MTMR7: variants seen among roughly 807,000 people sequenced by gnomAD.
MTMR7 encodes the protein myotubularin related protein 7.
In MTMR7, 76 loss-of-function variants were observed where a neutral mutation model predicts 81.2. The ratio of observed to expected loss-of-function variants is 0.94; its 90% CI spans 0.78 to 1.13. The LOEUF is 1.13. Ranked by LOEUF, MTMR7 falls within the 50% of genes most tolerant of loss-of-function variation. The pLI is 0.00. For missense variants in MTMR7, 1,044 were observed against 820.0 expected (o/e 1.27, Z -3.34); for synonymous variants, 372 against 289.8 (o/e 1.28, Z -2.88).
chr8:17,307,441 C>A (rs1018772172), intron 10 of MTMR7, among the ~76,000 whole-genome samples: 6 of 152,094 alleles, frequency 3.9e-5, no homozygotes, highest in African/African-American at 1.2e-4. Context: ...GTTGGTGGGA[C>A]TGTAAACTAG....
intron 4 of MTMR7, 139 bp from the exon 5 acceptor site, chr8:17,349,220 G>T: frequency 1.0e-6 from 1 of 995,926 alleles, no homozygotes; most frequent in Non-Finnish European, 1.5e-6. Context: ...CTATTTCGAG[G>T]AAACTCAAAG....
rs1820044655 is a variant in MTMR7, at chr8:17,361,063, C to T, written c.468+54G>A. On this transcript the variant is annotated intron_variant, in intron 4 of 13. Transcript: ENST00000180173. ...GAGATAAAAATAAAGGGATGCTAAGCTGGCTGAAACCCTAATTTCATGCGG... is the reference window on the plus strand; with the variant it reads ...GAGATAAAAATAAAGGGATGCTAAGTTGGCTGAAACCCTAATTTCATGCGG... The T allele has an allele frequency of 1.9e-6, 3 of 1,590,568 alleles. No individual in the cohort carries two copies. The South Asian group carries it at 3.3e-5, about 18-fold the overall frequency.
intron 1 of MTMR7, among the ~76,000 whole-genome samples, chr8:17,380,571 TTA>T (rs1491302255): frequency 3.7e-5 from 1 of 26,956 alleles, no homozygotes. Flanking sequence ...GCTGATGAGC[TTA>T]AAAAAAAAAA....
chr8:17,339,115 C>T (rs75394166), intron 6 of MTMR7: 4 of 152,288 alleles, frequency 2.6e-5, no homozygotes, highest in East Asian at 1.9e-4. Flanking sequence ...ATGCAGTTCT[C>T]GTGATTTCTG....
chr8:17,389,260 A>C (rs778574046), intron 1 of MTMR7, among the ~76,000 whole-genome samples: 36 of 152,174 alleles, frequency 2.4e-4, no homozygotes, highest in Non-Finnish European at 2.9e-5. Flanking sequence ...GTTTCTACTT[A>C]TCCTACACTA....
At chr8:17,341,587 T>G in intron 5 of MTMR7, 90 bp from the exon 6 acceptor site, 1 of 1,466,474 alleles carries the variant, frequency 6.8e-7, no homozygotes, top group Non-Finnish European at 9.2e-7. Context: ...AAAGAGCCCT[T>G]GGCTCACTGA....
chr8:17,352,199 C>T (rs1196398199), intron 4 of MTMR7, among the ~76,000 whole-genome samples: 1 of 152,070 alleles, frequency 6.6e-6, no homozygotes, highest in Non-Finnish European at 1.5e-5. Context: ...AGTACAAAGC[C>T]ATATCTATTT....
At chr8:17,393,844 G>A (rs898178134) in intron 1 of MTMR7, among the ~76,000 whole-genome samples, 5 of 151,834 alleles carry the variant, frequency 3.3e-5, no homozygotes, top group African/African-American at 1.2e-4. Flanking sequence ...CATGTAACCT[G>A]GGACTTAACA....
At chr8:17,385,684 T>A (rs1203028420) in intron 1 of MTMR7, among the ~76,000 whole-genome samples, 1 of 152,154 alleles carries the variant, frequency 6.6e-6, no homozygotes. Flanking sequence ...GAGTTCATTC[T>A]CAGGAGATGT....
At chr8:17,364,021 A>ATTTT (rs36217265) in intron 3 of MTMR7, among the ~76,000 whole-genome samples, 1 of 71,056 alleles carries the variant, frequency 1.4e-5, no homozygotes, top group Non-Finnish European at 3.0e-5. Context: ...TGTTGCTATT[A>ATTTT]TTTTTTTTTT....
At position 17,339,706 on chromosome 8, in the gene MTMR7, A is replaced by G. The variant is rs151036057; in HGVS notation, c.732+1657T>C. Among the ~76,000 whole-genome samples the G allele has an allele frequency of 2.6e-5, 4 of 152,358 alleles. No individual in the cohort carries two copies. In the East Asian group the frequency reaches 5.8e-4, roughly 22 times the overall value. On this transcript the variant is annotated intron_variant, in intron 6 of 13. Transcript: ENST00000180173. ...AGGCTATTACTAATAATGAACAAAT[A>G]TTCACATACAAGTTTTTATGTGGAC...
At position 17,300,112 on chromosome 8, in the gene MTMR7, G is replaced by A; in HGVS notation, c.1733C>T (p.Thr578Ile). 2 of 1,614,148 alleles carry A rather than the reference G, an allele frequency of 1.2e-6. No homozygotes were observed. The highest frequency in any genetic ancestry group is 8.5e-7 in the Non-Finnish European group (1 of 1,180,008). Residue 578 changes from threonine (T) to isoleucine (I), a missense_variant, in exon 14 of 14, where the codon ACT becomes ATT. Thr to Ile is a moderately conservative substitution (Grantham distance 89, BLOSUM62 -1). Coordinates refer to ENST00000180173, the MANE Select transcript of MTMR7 (RefSeq NM_004686.5). ...CATATTCCCACTGTAATCCTGGGGA[G>A]TGTTGGCTATGCTGTTGTCTGAGGT... is the stretch of plus-strand genomic sequence containing the variant. ...FSTSDNSIAN[T>I]PQDYSGNMKS...
intron 6 of MTMR7, among the ~76,000 whole-genome samples, chr8:17,332,336 C>A (rs898692103): frequency 1.3e-5 from 2 of 152,144 alleles, no homozygotes; most frequent in African/African-American, 4.8e-5. Flanking sequence ...TCCTAAAAGT[C>A]TGACAAAATT....
chr8:17,340,588 C>T (rs17124425), intron 6 of MTMR7, among the ~76,000 whole-genome samples: 16,152 of 152,186 alleles, frequency 0.11, 2,232 homozygotes, highest in East Asian at 0.39. Flanking sequence ...GGACTTAACA[C>T]TGATTCTCCT....
intron 4 of MTMR7, among the ~76,000 whole-genome samples, chr8:17,357,308 G>C (rs1819925011): frequency 1.3e-5 from 2 of 152,116 alleles, no homozygotes; most frequent in Non-Finnish European, 2.9e-5. Context: ...CAAGTTTTTA[G>C]AACAGTACCT....
chr8:17,400,071 T>C (rs184747945), intron 1 of MTMR7, among the ~76,000 whole-genome samples: 4 of 152,326 alleles, frequency 2.6e-5, no homozygotes, highest in African/African-American at 9.6e-5. Flanking sequence ...CTTTAAAAAA[T>C]TCTTGAGAAT....
In MTMR7 at chr8:17,298,732, T is replaced by TAA. The variant is rs1816903978; in HGVS notation, c.*1128_*1129dup. On this transcript the variant is annotated 3_prime_UTR_variant, in exon 14 of 14. Transcript: ENST00000180173. ...TCCAAACATGGCCACTTTTCCCCAC[T>TAA]AAGTTTAATTTAGGTCACCTAGTGA... 2 of 152,718 alleles carry TAA rather than the reference T, an allele frequency of 1.3e-5. No homozygotes were observed. Among genetic ancestry groups the TAA allele is most frequent in the South Asian group, 4.1e-4 (2 of 4,832 alleles). 9.5% of individuals were successfully genotyped at this position (152,718 alleles called of 1,614,324 possible). A position where few individuals can be genotyped will look rare whatever the true frequency, so the allele number is the denominator to read the frequency against.
chr8:17,299,955 C>G lies in MTMR7; in HGVS notation c.1890G>C (p.Leu630Phe). ...NSDQESGVEDLSCRSPSGGEH... is the reference protein window; with the variant it reads ...NSDQESGVEDFSCRSPSGGEH... The stretch of plus-strand genomic sequence containing the variant: ...CACCACCACTTGGAGACCGACAGCT[C>G]AAATCCTCCACCCCGGACTCTTGGT... The change falls in exon 14 of 14, where the codon TTG (leucine) becomes TTC (phenylalanine). Residue 630 changes from leucine to phenylalanine, a missense_variant. Transcript: ENST00000180173. 6.2e-7 allele frequency: 1 copy of G among 1,614,156 alleles called. No homozygotes were observed.
chr8:17,407,440 A>G (rs1349064710), intron 1 of MTMR7, among the ~76,000 whole-genome samples: 1 of 152,182 alleles, frequency 6.6e-6, no homozygotes, highest in Non-Finnish European at 1.5e-5. Context: ...ATATATACCA[A>G]CTATAAAACT....
Sources: gnomAD v4.1 joint callset for allele counts (sites outside exome capture counted in the v4.1 genomes callset) on GRCh38, gnomAD v4.1.1 for gene constraint, MANE v1.5 for transcripts, NCBI Gene and HGNC (gene_info 2026-07-23, HGNC 2026-07-21) for gene names.